The following SUCLG2 variants were observed in gnomAD, a reference collection of about 807,000 sequenced individuals.
SUCLG2 encodes the protein succinate-CoA ligase GDP-forming subunit beta.
A neutral mutation model predicts 47.9 loss-of-function variants in SUCLG2; 42 were observed. The ratio of observed to expected loss-of-function variants is 0.88; its 90% CI spans 0.69 to 1.14. SUCLG2 has a LOEUF of 1.14. Ranked by LOEUF, SUCLG2 falls within the 50% of genes most tolerant of loss-of-function variation. The pLI is 0.00. For missense variants in SUCLG2, 571 were observed against 525.9 expected (o/e 1.09, Z -0.84); for synonymous variants, 195 against 197.3 (o/e 0.99, Z 0.10).
chr3:67,450,441 C>CGAA (rs1192900471), intron 9 of SUCLG2, among the ~76,000 whole-genome samples: 18 of 152,156 alleles, frequency 1.2e-4, no homozygotes. Flanking sequence ...AAGAGACTTT[C>CGAA]TTGAGATTTT....
intron 9 of SUCLG2, among the ~76,000 whole-genome samples, chr3:67,454,647 T>C (rs1480571487): frequency 6.6e-6 from 1 of 152,146 alleles, no homozygotes; most frequent in Non-Finnish European, 1.5e-5. Context: ...AATAGGAACA[T>C]TGTCCTAATC....
At chr3:67,505,938 G>A (rs1021703629) in intron 7 of SUCLG2, among the ~76,000 whole-genome samples, 1 of 151,938 alleles carries the variant, frequency 6.6e-6, no homozygotes, top group African/African-American at 2.4e-5. Context: ...CTCCAGCCTT[G>A]GCGACAGAGT....
At chr3:67,643,432 T>A (rs1166210221) in intron 1 of SUCLG2, among the ~76,000 whole-genome samples, 3 of 152,206 alleles carry the variant, frequency 2.0e-5, no homozygotes, top group Non-Finnish European at 2.9e-5. Flanking sequence ...TATGCTGAAC[T>A]TAAAACTCTT....
intron 9 of SUCLG2, among the ~76,000 whole-genome samples, chr3:67,435,079 C>T (rs1211137199): frequency 4.6e-5 from 7 of 152,154 alleles, no homozygotes; most frequent in Admixed American, 4.6e-4. Context: ...TGTTTATCTG[C>T]TTGAGTGGGT....
chr3:67,639,159 TATTGTA>T (rs1378202653), intron 1 of SUCLG2, among the ~76,000 whole-genome samples: 2 of 152,298 alleles, frequency 1.3e-5, no homozygotes, highest in East Asian at 3.9e-4. Flanking sequence ...CTGTGTAATT[TATTGTA>T]ATGTACATTC....
intron 9 of SUCLG2, among the ~76,000 whole-genome samples, chr3:67,473,647 A>T (rs1026398966): frequency 1.2e-4 from 19 of 152,120 alleles, no homozygotes; most frequent in Non-Finnish European, 2.9e-5. Context: ...TTGAATTTTG[A>T]CCCAACTTCA....
At chr3:67,518,646 G>C (rs1455430677) in intron 5 of SUCLG2, among the ~76,000 whole-genome samples, 1 of 152,084 alleles carries the variant, frequency 6.6e-6, no homozygotes, top group African/African-American at 2.4e-5. Flanking sequence ...TTAATTTTTT[G>C]ACATCTTTTG....
chr3:67,545,369 TG>T (rs2107183193), intron 2 of SUCLG2, among the ~76,000 whole-genome samples: 1 of 152,318 alleles, frequency 6.6e-6, no homozygotes, highest in African/African-American at 2.4e-5. Flanking sequence ...CCAAGAGAGA[TG>T]AAAGATCTCA....
rs142431113 is a variant in SUCLG2, at chr3:67,375,574, G to A, written c.*170C>T. Reference sequence around the variant, plus strand: ...TTATAAAGACCAAAATCAGATTTAGGCTGTCTAGATATCTTATTCCAGAAA... The same window carrying A: ...TTATAAAGACCAAAATCAGATTTAGACTGTCTAGATATCTTATTCCAGAAA... On this transcript the variant is annotated 3_prime_UTR_variant, in exon 11 of 11. Coordinates refer to ENST00000307227, the MANE Select transcript of SUCLG2 (RefSeq NM_003848.4). The A allele has an allele frequency of 2.1e-6, 3 of 1,409,136 alleles. No homozygotes were observed. The African/African-American group carries it at 4.3e-5, about 20-fold the overall frequency. The allele number at this position is 1,409,136 out of a possible 1,614,324, so 87.3% of individuals were successfully genotyped here. A position where few individuals can be genotyped will look rare whatever the true frequency, so the allele number is the denominator to read the frequency against.
At chr3:67,471,806 G>A (rs1704612314) in intron 9 of SUCLG2, among the ~76,000 whole-genome samples, 1 of 152,082 alleles carries the variant, frequency 6.6e-6, no homozygotes. Context: ...CACTCACCAA[G>A]GCCAACTAAA....
chr3:67,583,833 A>G (rs1345981572), intron 2 of SUCLG2, among the ~76,000 whole-genome samples: 1 of 152,148 alleles, frequency 6.6e-6, no homozygotes, highest in Non-Finnish European at 1.5e-5. Flanking sequence ...ATACCTCTCT[A>G]AACTTCTCTT....
chr3:67,376,565 T>A (rs902823966), intron 10 of SUCLG2: 1 of 923,118 alleles, frequency 1.1e-6, no homozygotes, highest in African/African-American at 1.8e-5. Context: ...CTACATCATT[T>A]CCTGTGCTTT....
At chr3:67,409,481 C>T (rs556054360) in intron 9 of SUCLG2, among the ~76,000 whole-genome samples, 1 of 152,194 alleles carries the variant, frequency 6.6e-6, no homozygotes, top group African/African-American at 2.4e-5. Flanking sequence ...GATGGGGGCA[C>T]ATTCTAGTTA....
chr3:67,395,416 C>G (rs946987835), intron 10 of SUCLG2, among the ~76,000 whole-genome samples: 5 of 152,256 alleles, frequency 3.3e-5, no homozygotes, highest in South Asian at 2.1e-4. Flanking sequence ...AAGACCAAAA[C>G]AGACAAAGAA....
At chr3:67,411,058 T>C (rs370283199) in intron 9 of SUCLG2, among the ~76,000 whole-genome samples, 41 of 152,250 alleles carry the variant, frequency 2.7e-4, no homozygotes, top group African/African-American at 9.4e-4. Context: ...AGAACACCCA[T>C]AAAATTGGCA....
At chr3:67,642,916 C>CTG (rs1491202290) in intron 1 of SUCLG2, among the ~76,000 whole-genome samples, 1,454 of 120,150 alleles carry the variant, frequency 0.012, 27 homozygotes, top group African/African-American at 0.038. Context: ...CAGAAAAGGA[C>CTG]TCTGTGTGTG....
At chr3:67,523,645 A>G (rs1021243883) in intron 4 of SUCLG2, among the ~76,000 whole-genome samples, 1 of 152,202 alleles carries the variant, frequency 6.6e-6, no homozygotes, top group Non-Finnish European at 1.5e-5. Flanking sequence ...ATTAATACAA[A>G]CATTTTAAGA....
intron 6 of SUCLG2, among the ~76,000 whole-genome samples, chr3:67,510,424 T>C (rs1201047332): frequency 1.3e-5 from 2 of 152,206 alleles, no homozygotes; most frequent in Non-Finnish European, 2.9e-5. Flanking sequence ...ATGTATATGA[T>C]ACAAAATTCC....
At chr3:67,537,595 T>C (rs150373466) in intron 2 of SUCLG2, among the ~76,000 whole-genome samples, 5 of 152,178 alleles carry the variant, frequency 3.3e-5, no homozygotes, top group Admixed American at 1.3e-4. Context: ...AGTAATGGGA[T>C]TGCTTGGTCA....
Sources: gnomAD v4.1 joint callset for allele counts (sites outside exome capture counted in the v4.1 genomes callset) on GRCh38, gnomAD v4.1.1 for gene constraint, MANE v1.5 for transcripts, NCBI Gene and HGNC (gene_info 2026-07-23, HGNC 2026-07-21) for gene names.